SSBP2: variants seen among roughly 807,000 people sequenced by gnomAD.
SSBP2 encodes the protein single stranded DNA binding protein 2.
A neutral mutation model predicts 61.8 loss-of-function variants in SSBP2; 17 were observed. The observed-to-expected ratio is 0.28, with a 90% confidence interval of 0.19 to 0.41. The LOEUF (loss-of-function observed/expected upper bound fraction) is 0.41. SSBP2 is among the 10% of genes least tolerant of loss of function. The pLI is 1.00. For missense variants in SSBP2, 310 were observed against 458.7 expected (o/e 0.68, Z 2.96); for synonymous variants, 139 against 141.3 (o/e 0.98, Z 0.12).
intron 1 of SSBP2, among the ~76,000 whole-genome samples, chr5:81,650,996 T>C (rs905046025): frequency 6.6e-6 from 1 of 152,194 alleles, no homozygotes; most frequent in African/African-American, 2.4e-5. Flanking sequence ...TATAAATTTT[T>C]CATTCAAATA....
intron 4 of SSBP2, among the ~76,000 whole-genome samples, chr5:81,603,482 C>T (rs551781597): frequency 4.5e-4 from 68 of 152,268 alleles, no homozygotes; most frequent in African/African-American, 1.6e-3. Flanking sequence ...ACAAGCAAGT[C>T]ATTAAGACCA....
rs929547121 is a variant in SSBP2, at chr5:81,593,205, A to C, written c.282+22268T>G. Among the ~76,000 whole-genome samples the C allele has an allele frequency of 5.3e-5, 8 of 152,368 alleles. No homozygotes were observed. In the East Asian group the frequency reaches 1.3e-3, roughly 26 times the overall value. The stretch of plus-strand genomic sequence containing the variant: ...GCTACATGACAAATGCAGAAGCCTC[A>C]GTAGCCGATGCCATCAACTGGAAGA... On this transcript the variant is annotated intron_variant, in intron 4 of 16. Transcript: ENST00000320672.
chr5:81,636,190 T>G lies in SSBP2; in HGVS notation c.197+367A>C, dbSNP rs570141022. Among the ~76,000 whole-genome samples, 3 of 152,302 alleles carry G rather than the reference T, an allele frequency of 2.0e-5. No homozygotes were observed. The East Asian group carries it at 5.8e-4, about 29-fold the overall frequency. On this transcript the variant is annotated intron_variant, in intron 3 of 16. Transcript: ENST00000320672. ...TGTCTACAAGTCAGGAAGACAGCCCTCACCAGAAACTGATCATCCTGGTAT... is the reference window on the plus strand; with the variant it reads ...TGTCTACAAGTCAGGAAGACAGCCCGCACCAGAAACTGATCATCCTGGTAT...
At chr5:81,608,885 A>C (rs1189983292) in intron 4 of SSBP2, among the ~76,000 whole-genome samples, 1 of 152,186 alleles carries the variant, frequency 6.6e-6, no homozygotes, top group Non-Finnish European at 1.5e-5. Flanking sequence ...GACAGTGTTC[A>C]GGCAATGATT....
At chr5:81,639,918 T>C (rs1433284295) in intron 2 of SSBP2, among the ~76,000 whole-genome samples, 1 of 152,110 alleles carries the variant, frequency 6.6e-6, no homozygotes, top group Non-Finnish European at 1.5e-5. Flanking sequence ...AATAAAAAGA[T>C]GAAAAAAGTT....
chr5:81,508,599 C>A (rs7733938), intron 5 of SSBP2, among the ~76,000 whole-genome samples: 56 of 151,990 alleles, frequency 3.7e-4, no homozygotes, highest in African/African-American at 1.3e-3. Flanking sequence ...TTAAGTGTAC[C>A]AAGTTATATC....
At chr5:81,450,531 T>C (rs1302286497) in intron 10 of SSBP2, among the ~76,000 whole-genome samples, 1 of 152,220 alleles carries the variant, frequency 6.6e-6, no homozygotes, top group Non-Finnish European at 1.5e-5. Context: ...CGCCTTGCTT[T>C]ACTTTACAAT....
At chr5:81,732,058 T>C (rs1756304339) in intron 1 of SSBP2, among the ~76,000 whole-genome samples, 1 of 152,076 alleles carries the variant, frequency 6.6e-6, no homozygotes, top group South Asian at 2.1e-4. Context: ...CCACCTATGT[T>C]AATTAGAAGG....
chr5:81,445,138 T>TATATACATATATATATA, intron 12 of SSBP2, among the ~76,000 whole-genome samples: 1 of 33,888 alleles, frequency 3.0e-5, no homozygotes, highest in African/African-American at 1.0e-4. Flanking sequence ...AAAAAAAATT[T>TATATACATATATATATA]TATATATATA....
chr5:81,607,391 TTC>T (rs549285050), intron 4 of SSBP2, among the ~76,000 whole-genome samples: 3 of 152,180 alleles, frequency 2.0e-5, no homozygotes, highest in Non-Finnish European at 4.4e-5. Context: ...TATCCAGCCA[TTC>T]TTTCATCAAA....
At chr5:81,717,316 C>T (rs147291531) in intron 1 of SSBP2, among the ~76,000 whole-genome samples, 1 of 152,298 alleles carries the variant, frequency 6.6e-6, no homozygotes, top group Non-Finnish European at 1.5e-5. Context: ...ACTATATGTA[C>T]AGCATCTATC....
chr5:81,689,013 T>C (rs1376938548), intron 1 of SSBP2, among the ~76,000 whole-genome samples: 1 of 151,876 alleles, frequency 6.6e-6, no homozygotes, highest in African/African-American at 2.4e-5. Context: ...ATCAGATAAA[T>C]TTAACAGAGA....
chr5:81,635,614 C>G (rs1036466381), intron 3 of SSBP2, among the ~76,000 whole-genome samples: 5 of 144,026 alleles, frequency 3.5e-5, no homozygotes, highest in Admixed American at 7.0e-5. Flanking sequence ...GACATTGTCT[C>G]GCTCTGTGGC....
chr5:81,569,984 G>A (rs1315623329), intron 4 of SSBP2, among the ~76,000 whole-genome samples: 1 of 151,742 alleles, frequency 6.6e-6, no homozygotes, highest in Non-Finnish European at 1.5e-5. Flanking sequence ...CTTACTTTAA[G>A]ATAAAACTTA....
chr5:81,583,773 T>A (rs1774863673), intron 4 of SSBP2, among the ~76,000 whole-genome samples: 1 of 152,202 alleles, frequency 6.6e-6, no homozygotes, highest in Non-Finnish European at 1.5e-5. Flanking sequence ...AACAACTTCT[T>A]CGCTTTCAAA....
chr5:81,702,828 C>G (rs1020591672), intron 1 of SSBP2, among the ~76,000 whole-genome samples: 1 of 152,180 alleles, frequency 6.6e-6, no homozygotes, highest in Non-Finnish European at 1.5e-5. Context: ...CTTTAGCCAG[C>G]TAAGAGATCT....
At chr5:81,546,250 C>A (rs1440981488) in intron 4 of SSBP2, among the ~76,000 whole-genome samples, 1 of 152,190 alleles carries the variant, frequency 6.6e-6, no homozygotes, top group Non-Finnish European at 1.5e-5. Flanking sequence ...TCCAAGGCCA[C>A]ATATTACTAA....
At chr5:81,573,937 G>C (rs570353909) in intron 4 of SSBP2, among the ~76,000 whole-genome samples, 56 of 152,136 alleles carry the variant, frequency 3.7e-4, no homozygotes, top group Non-Finnish European at 6.3e-4. Flanking sequence ...TCAGGAGATT[G>C]AGACCATCCT....
At chr5:81,597,182 A>G (rs149567650) in intron 4 of SSBP2, among the ~76,000 whole-genome samples, 2 of 152,190 alleles carry the variant, frequency 1.3e-5, no homozygotes, top group African/African-American at 4.8e-5. Context: ...AAACAACCCC[A>G]TCAAAAAGTG....
Sources: gnomAD v4.1 joint callset for allele counts (sites outside exome capture counted in the v4.1 genomes callset) on GRCh38, gnomAD v4.1.1 for gene constraint, MANE v1.5 for transcripts, NCBI Gene and HGNC (gene_info 2026-07-23, HGNC 2026-07-21) for gene names.